The following MYO16 variants were observed in gnomAD, a reference collection of about 807,000 sequenced individuals.
MYO16 encodes myosin XVI.
MYO16 carries 94 observed loss-of-function variants against 205.3 expected under a neutral mutation model. The observed-to-expected ratio is 0.46, with a 90% confidence interval of 0.39 to 0.54. The LOEUF is 0.54. Among genes scored for constraint, MYO16 ranks in the 20% least tolerant of loss-of-function variants. The pLI is 0.00. For missense variants in MYO16, 2,315 were observed against 2,387.5 expected (o/e 0.97, Z 0.63); for synonymous variants, 988 against 954.0 (o/e 1.04, Z -0.66).
intron 5 of MYO16, among the ~76,000 whole-genome samples, chr13:108,788,661 C>T (rs1330389091): frequency 6.6e-6 from 1 of 152,218 alleles, no homozygotes; most frequent in Admixed American, 6.5e-5. Context: ...TCCTAGTATC[C>T]TGTGGTTCAG....
chr13:108,661,929 G>C (rs962945094), intron 1 of MYO16, among the ~76,000 whole-genome samples: 4 of 152,288 alleles, frequency 2.6e-5, no homozygotes, highest in African/African-American at 9.6e-5. Context: ...CAGAGGAAAG[G>C]TCTAGGGCTG....
intron 27 of MYO16, among the ~76,000 whole-genome samples, chr13:109,084,175 A>T (rs1180398497): frequency 1.3e-5 from 2 of 152,350 alleles, no homozygotes; most frequent in East Asian, 1.9e-4. Flanking sequence ...ATAAATTTTT[A>T]AAATAATCCA....
chr13:109,067,062 C>T (rs776009793), intron 27 of MYO16, among the ~76,000 whole-genome samples: 1 of 152,156 alleles, frequency 6.6e-6, no homozygotes. Context: ...TAAATCAGAA[C>T]GTCAGTGTAA....
At chr13:109,182,073 C>T (rs1311694680) in intron 34 of MYO16, among the ~76,000 whole-genome samples, 6 of 152,126 alleles carry the variant, frequency 3.9e-5, no homozygotes, top group African/African-American at 1.4e-4. Flanking sequence ...CCGCCTCGGC[C>T]TCCCAAAGTG....
chr13:109,143,227 A>G (rs1250543703), intron 32 of MYO16, among the ~76,000 whole-genome samples: 2 of 152,162 alleles, frequency 1.3e-5, no homozygotes, highest in African/African-American at 2.4e-5. Flanking sequence ...TACTTTAGGT[A>G]CAAAAACTAG....
intron 1 of MYO16, among the ~76,000 whole-genome samples, chr13:108,606,613 G>T (rs1183478564): frequency 6.6e-6 from 1 of 152,232 alleles, no homozygotes; most frequent in East Asian, 1.9e-4. Flanking sequence ...TATCCAGGTA[G>T]AAGTCTGCTG....
chr13:108,782,297 CAA>C (rs1239217928), intron 4 of MYO16, among the ~76,000 whole-genome samples: 1 of 152,156 alleles, frequency 6.6e-6, no homozygotes, highest in African/African-American at 2.4e-5. Flanking sequence ...TACGTTTTAG[CAA>C]AGAGACTGGT....
intron 1 of MYO16, among the ~76,000 whole-genome samples, chr13:108,662,571 C>T (rs1051112265): frequency 2.0e-5 from 3 of 152,016 alleles, no homozygotes; most frequent in Non-Finnish European, 4.4e-5. Flanking sequence ...GGGGGAAAGC[C>T]GGCAGTCACG....
At chr13:109,185,805 C>A (rs1020824449) in intron 34 of MYO16, among the ~76,000 whole-genome samples, 3 of 152,140 alleles carry the variant, frequency 2.0e-5, no homozygotes, top group African/African-American at 7.2e-5. Context: ...ATGTTTGCAC[C>A]TTTACTGAGC....
rs112439513 is a variant in MYO16 at position 108,961,622 on chromosome 13, C to T, written c.2121C>T (p.Ser707=). 1,792 of 1,614,032 alleles carry T rather than the reference C, an allele frequency of 1.1e-3. 19 individuals are homozygous for T. In the African/African-American group the frequency reaches 0.021, roughly 19 times the overall value. ...IRFTALNEGN[S]AFVSDLQLLE... is the part of the protein sequence containing the mutation. ...TTACTGCCCTGAATGAGGGGAACTC[C>T]GCCTTCGTTTCTGACCTCCAGCTCC... The change falls in exon 18 of 35, where the codon TCC becomes TCT. Residue 707 remains serine (S), a synonymous_variant. Coordinates refer to ENST00000457511, the MANE Select transcript of MYO16 (RefSeq NM_001198950.3).
chr13:108,498,245 C>G, the MYO16 span, among the ~76,000 whole-genome samples: 1 of 152,060 alleles, frequency 6.6e-6, no homozygotes, highest in African/African-American at 2.4e-5. Context: ...TGGGGTAGAA[C>G]GGTACTTTCA....
chr13:108,856,598 T>C (rs1878183628), intron 11 of MYO16, among the ~76,000 whole-genome samples: 1 of 152,028 alleles, frequency 6.6e-6, no homozygotes, highest in African/African-American at 2.4e-5. Context: ...AAGTGTGTAT[T>C]TTTATAACAT....
intron 4 of MYO16, chr13:108,779,556 G>C (rs998097559): frequency 6.6e-6 from 1 of 152,252 alleles, no homozygotes; most frequent in Non-Finnish European, 1.5e-5. Context: ...GCTTCAGGGA[G>C]GTGGCTCAGG....
At chr13:109,081,955 C>T (rs1888292696) in intron 27 of MYO16, among the ~76,000 whole-genome samples, 1 of 152,164 alleles carries the variant, frequency 6.6e-6, no homozygotes. Context: ...AATAAAGTTT[C>T]ATTGTTACAC....
chr13:108,708,728 C>T (rs961039741), intron 2 of MYO16, among the ~76,000 whole-genome samples: 2 of 152,258 alleles, frequency 1.3e-5, no homozygotes, highest in East Asian at 1.9e-4. Flanking sequence ...GTATAGATTG[C>T]TATGCAGTCA....
the MYO16 span, among the ~76,000 whole-genome samples, chr13:108,550,385 G>A: frequency 1.3e-5 from 2 of 152,164 alleles, no homozygotes; most frequent in Non-Finnish European, 2.9e-5. Context: ...GTCAGAAACT[G>A]AGCCTCCAAG....
chr13:109,192,775 CA>C (rs1298162008), intron 34 of MYO16, among the ~76,000 whole-genome samples: 1 of 152,182 alleles, frequency 6.6e-6, no homozygotes, highest in African/African-American at 2.4e-5. Context: ...ATCCACTCAT[CA>C]GATTCTGGCC....
At chr13:109,192,401 A>G (rs1302071560) in intron 34 of MYO16, among the ~76,000 whole-genome samples, 5 of 152,060 alleles carry the variant, frequency 3.3e-5, no homozygotes, top group Admixed American at 3.3e-4. Flanking sequence ...CCTTCCTGAC[A>G]TCTGTTTTTC....
At chr13:108,699,450 A>C (rs1883216783) in intron 2 of MYO16, among the ~76,000 whole-genome samples, 1 of 152,178 alleles carries the variant, frequency 6.6e-6, no homozygotes, top group Admixed American at 6.5e-5. Context: ...GGCATAAAAA[A>C]GAGCATTTTA....
Sources: allele counts gnomAD v4.1 joint callset (sites outside exome capture counted in the v4.1 genomes callset), GRCh38; gene constraint gnomAD v4.1.1; transcripts MANE v1.5; gene names NCBI Gene and HGNC (gene_info 2026-07-23, HGNC 2026-07-21).